NOL11: variants seen among roughly 807,000 people sequenced by gnomAD.
NOL11 encodes nucleolar protein 11.
NOL11 carries 42 observed loss-of-function variants against 93.0 expected under a neutral mutation model. The observed-to-expected ratio is 0.45, with a 90% confidence interval of 0.35 to 0.58. The LOEUF (loss-of-function observed/expected upper bound fraction) is 0.58, where lower values mean the gene tolerates loss of function less well. NOL11 is among the 20% of genes least tolerant of loss of function. The pLI is 0.00. For missense variants in NOL11, 775 were observed against 841.8 expected, an observed-to-expected ratio of 0.92 and a Z score of 0.98; for synonymous variants, 296 against 293.7, an observed-to-expected ratio of 1.01 and a Z score of -0.08.
In NOL11 at chr17:67,738,662, A is replaced by C. The variant is rs1472714646; in HGVS notation, c.1764-270A>C. The C allele has an allele frequency of 5.8e-4, 263 of 455,152 alleles. 2 individuals carry two copies. The highest frequency in any genetic ancestry group is 6.9e-5 in the Non-Finnish European group (18 of 259,596). 28.2% of individuals were successfully genotyped at this position (455,152 alleles called of 1,614,324 possible). The stretch of plus-strand genomic sequence containing the variant: ...GCCTGGGCAACATGGCGAGACCCCC[A>C]TCTCTACATCAGATTTAAAAAAAAA... On this transcript the variant is annotated intron_variant, in intron 14 of 17. Coordinates refer to ENST00000253247, the MANE Select transcript of NOL11 (RefSeq NM_015462.5).
rs371883601 is a variant in NOL11 at position 67,717,987 on chromosome 17, G to T, written c.40G>T (p.Val14Phe). Residue 14 changes from valine to phenylalanine, a missense_variant, in exon 1 of 18, where the codon GTC becomes TTC. This residue lies in a region of NOL11 where 359 missense variants were observed against 316.5 expected (regional missense o/e 1.13). Coordinates refer to ENST00000253247, the MANE Select transcript of NOL11 (RefSeq NM_015462.5). ...GGAAGAATTCACGTTGTCTTCGGTA[G>T]TCCTGAGCGCCGGGCCTGAAGGACT... ...LEEEFTLSSV[V>F]LSAGPEGLLG... 2.5e-6 allele frequency: 4 copies of T among 1,614,144 alleles called. No individual in the cohort carries two copies. Among genetic ancestry groups the T allele is most frequent in the African/African-American group, 2.7e-5 (2 of 74,948 alleles).
At chr17:67,734,893 A>T (rs2055187327) in intron 8 of NOL11, among the ~76,000 whole-genome samples, 2 of 152,204 alleles carry the variant, frequency 1.3e-5, no homozygotes, top group African/African-American at 4.8e-5. Flanking sequence ...GATTATGTTT[A>T]GTTCAGTTAT....
chr17:67,726,768 A>T (rs367844668), intron 7 of NOL11, 120 bp downstream of exon 7: 2 of 732,448 alleles, frequency 2.7e-6, no homozygotes, highest in Non-Finnish European at 4.0e-6. Flanking sequence ...CTTTATCAGC[A>T]TACTCAATTT....
chr17:67,731,171 T>C (rs1403654209), intron 7 of NOL11, among the ~76,000 whole-genome samples: 1 of 152,236 alleles, frequency 6.6e-6, no homozygotes, highest in Non-Finnish European at 1.5e-5. Flanking sequence ...GCTACACCCT[T>C]ATCAGACATA....
chr17:67,729,840 A>G (rs1292592219), intron 7 of NOL11, among the ~76,000 whole-genome samples: 1 of 152,138 alleles, frequency 6.6e-6, no homozygotes, highest in Non-Finnish European at 1.5e-5. Context: ...CGGCCTCCCA[A>G]AGTGCCGGGA....
intron 16 of NOL11, among the ~76,000 whole-genome samples, chr17:67,741,055 C>A (rs2055251997): frequency 6.6e-6 from 1 of 152,042 alleles, no homozygotes. Flanking sequence ...TGCCACCACA[C>A]CACATGAAAA....
chr17:67,729,993 G>C (rs2055137056), intron 7 of NOL11, among the ~76,000 whole-genome samples: 1 of 152,082 alleles, frequency 6.6e-6, no homozygotes, highest in Non-Finnish European at 1.5e-5. Flanking sequence ...TCCTGCCTCA[G>C]CCTCCCATAG....
Position 67,738,346 on chromosome 17 carries a change from C to A in NOL11, c.1754C>A (p.Ala585Glu). 6.2e-7 allele frequency: 1 copy of A among 1,608,834 alleles called. No homozygotes were observed. The highest frequency in any genetic ancestry group is 8.5e-7 in the Non-Finnish European group (1 of 1,176,140). ...STSCPVVQKR[A>E]ALLNAILHSA... is the part of the protein sequence containing the mutation. ...TCATGCCCTGTGGTACAAAAAAGAGCAGCTCTACTGTATCCTTTGACATAG... is the reference window on the plus strand; with the variant it reads ...TCATGCCCTGTGGTACAAAAAAGAGAAGCTCTACTGTATCCTTTGACATAG... The change falls in exon 14 of 18, where the codon GCA becomes GAA. Residue 585 changes from alanine to glutamate, a missense_variant. By Grantham distance (107) the Ala-to-Glu change is moderately radical. Around this residue, in one of 2 missense-constraint regions of NOL11, gnomAD observed 416 missense variants for 525.2 expected, o/e 0.79. Coordinates refer to ENST00000253247, the MANE Select transcript of NOL11 (RefSeq NM_015462.5).
chr17:67,738,271 G>A lies in NOL11; in HGVS notation c.1679G>A (p.Cys560Tyr). The change falls in exon 14 of 18, where the codon TGT (cysteine) becomes TAT (tyrosine). Residue 560 changes from cysteine to tyrosine, a missense_variant. By Grantham distance (194) the Cys-to-Tyr change is radical. Around this residue, in one of 2 missense-constraint regions of NOL11, gnomAD observed 416 missense variants for 525.2 expected, o/e 0.79. Coordinates refer to ENST00000253247, the MANE Select transcript of NOL11 (RefSeq NM_015462.5). ...FNPEEDKCNN[C>Y]DQELNKKPQD... Reference sequence around the variant, plus strand: ...CCTGAAGAAGATAAATGCAATAACTGTGATCAAGAGTTAAATAAAAAGCCC... The same window carrying A: ...CCTGAAGAAGATAAATGCAATAACTATGATCAAGAGTTAAATAAAAAGCCC... 6.2e-7 allele frequency: 1 copy of A among 1,613,948 alleles called. No individual in the cohort carries two copies. The highest frequency in any genetic ancestry group is 1.1e-5 in the South Asian group (1 of 91,070).
intron 14 of NOL11, chr17:67,738,574 G>A (rs2055225647): frequency 3.9e-6 from 2 of 510,112 alleles, no homozygotes; most frequent in African/African-American, 3.8e-5. Flanking sequence ...GCTCATGCCT[G>A]TAGTCCCAGC....
chr17:67,729,057 T>C (rs1459491734), intron 7 of NOL11, among the ~76,000 whole-genome samples: 2 of 151,998 alleles, frequency 1.3e-5, no homozygotes, highest in African/African-American at 4.8e-5. Context: ...GTCACTGGTG[T>C]TCGTTGTGCA....
rs115723125 is a variant in NOL11 at position 67,742,961 on chromosome 17, T to C, written c.1936-518T>C. ...AAATTTTTAAAAATAAAAAGACAACTACTGGCGCGGTGTCTCAAGCCTGTA... is the reference window on the plus strand; with the variant it reads ...AAATTTTTAAAAATAAAAAGACAACCACTGGCGCGGTGTCTCAAGCCTGTA... On this transcript the variant is annotated intron_variant, in intron 16 of 17. Coordinates refer to ENST00000253247, the MANE Select transcript of NOL11 (RefSeq NM_015462.5). Among the ~76,000 whole-genome samples the C allele has an allele frequency of 4.4e-3, 669 of 152,278 alleles. 3 individuals carry two copies. Among genetic ancestry groups the C allele is most frequent in the African/African-American group, 0.015 (617 of 41,556 alleles).
At chr17:67,719,612 T>TTAA in intron 1 of NOL11, 62 bp from the exon 2 acceptor site, 1 of 864,610 alleles carries the variant, frequency 1.2e-6, no homozygotes, top group Non-Finnish European at 1.8e-6. Flanking sequence ...GATTATAAAC[T>TTAA]TAATTGCTTT....
rs1850112526 is a variant in NOL11 at position 67,720,604 on chromosome 17, G to A, written c.312+642G>A. On this transcript the variant is annotated intron_variant, in intron 3 of 17. Transcript: ENST00000253247. ...GCATGAGCCACTGCGCCTGGCCCATGTATTGTACATTTTGAAGAGTGGCAC... is the reference window on the plus strand; with the variant it reads ...GCATGAGCCACTGCGCCTGGCCCATATATTGTACATTTTGAAGAGTGGCAC... Among the ~76,000 whole-genome samples, 3 of 152,094 alleles carry A rather than the reference G, an allele frequency of 2.0e-5. No individual in the cohort carries two copies. In the South Asian group the frequency reaches 6.2e-4, roughly 31 times the overall value.
At chr17:67,718,656 C>T (rs1317819473) in intron 1 of NOL11, among the ~76,000 whole-genome samples, 1 of 152,176 alleles carries the variant, frequency 6.6e-6, no homozygotes, top group Non-Finnish European at 1.5e-5. Flanking sequence ...AATCTGCAAG[C>T]CCTGCCCCCA....
At chr17:67,741,079 TC>T in intron 16 of NOL11, among the ~76,000 whole-genome samples, 1 of 152,028 alleles carries the variant, frequency 6.6e-6, no homozygotes. Context: ...AATTTTTTTT[TC>T]CTTTTTTGAG....
At position 67,736,742 on chromosome 17, in the gene NOL11, G is replaced by A; in HGVS notation, c.1131G>A (p.Gln377=). The change falls in exon 10 of 18, where the codon CAG becomes CAA. Residue 377 remains glutamine (Q), a synonymous_variant. Transcript: ENST00000253247. ...GACTTGGGTTCCAGAACTCAGAGCA[G>A]TCAAGAAGAATTGTAAGTTTCGTAG... ...GCGLGFQNSE[Q]SRRILRRRKI... is the part of the protein sequence containing the mutation. The A allele has an allele frequency of 1.2e-6, 2 of 1,610,726 alleles. No individual in the cohort carries two copies. The highest frequency in any genetic ancestry group is 4.5e-5 in the East Asian group (2 of 44,862).
intron 7 of NOL11, among the ~76,000 whole-genome samples, chr17:67,727,469 C>T (rs1289873381): frequency 6.6e-6 from 1 of 152,016 alleles, no homozygotes; most frequent in East Asian, 1.9e-4. Context: ...GCCAGCCTGA[C>T]CAACATGGAG....
intron 7 of NOL11, among the ~76,000 whole-genome samples, chr17:67,728,538 C>T (rs1470057930): frequency 6.6e-6 from 1 of 152,166 alleles, no homozygotes; most frequent in Non-Finnish European, 1.5e-5. Flanking sequence ...TCTCTTCTCC[C>T]ATCTTCCTCT....
Sources: gnomAD v4.1 joint callset for allele counts (sites outside exome capture counted in the v4.1 genomes callset) on GRCh38, gnomAD v4.1.1 for gene constraint, gnomAD v4.1.1 regional missense constraint, MANE v1.5 for transcripts, NCBI Gene and HGNC (gene_info 2026-07-23, HGNC 2026-07-21) for gene names.